TAFA1: variants seen among roughly 807,000 people sequenced by gnomAD.
TAFA1 encodes the protein TAFA chemokine like family member 1.
A neutral mutation model predicts 18.5 loss-of-function variants in TAFA1; 4 were observed. That is an observed-to-expected ratio of 0.22 (90% CI 0.11 to 0.49). TAFA1 has a LOEUF of 0.49. TAFA1 is among the 20% of genes least tolerant of loss of function. TAFA1 has a pLI of 0.98. For missense variants in TAFA1, 147 were observed against 169.0 expected (o/e 0.87, Z 0.72); for synonymous variants, 56 against 55.2 (o/e 1.01, Z -0.06).
intron 2 of TAFA1, among the ~76,000 whole-genome samples, chr3:68,270,954 C>T (rs1266185302): frequency 1.3e-5 from 2 of 152,012 alleles, no homozygotes; most frequent in Admixed American, 6.6e-5. Flanking sequence ...ATTGATTTTC[C>T]GTCCATGTTA....
chr3:68,006,835 T>C (rs1202440434), intron 2 of TAFA1, 91 bp downstream of exon 2: 2 of 942,502 alleles, frequency 2.1e-6, no homozygotes, highest in South Asian at 1.4e-5. Flanking sequence ...TAAAGTGCTA[T>C]AGTGTGGGCA....
chr3:68,445,233 C>G (rs956542041), intron 3 of TAFA1, among the ~76,000 whole-genome samples: 1 of 152,062 alleles, frequency 6.6e-6, no homozygotes, highest in African/African-American at 2.4e-5. Flanking sequence ...ATGTATAGTA[C>G]CTTTTCTATT....
chr3:68,338,644 C>T (rs945161777), intron 2 of TAFA1, among the ~76,000 whole-genome samples: 1 of 152,110 alleles, frequency 6.6e-6, no homozygotes, highest in African/African-American at 2.4e-5. Flanking sequence ...AATTATTGAG[C>T]CAGGATTCAA....
intron 3 of TAFA1, among the ~76,000 whole-genome samples, chr3:68,497,732 G>C (rs894363386): frequency 6.6e-6 from 1 of 152,132 alleles, no homozygotes; most frequent in African/African-American, 2.4e-5. Flanking sequence ...TATCCTATTT[G>C]GATATATAAT....
At chr3:68,431,953 G>C (rs138266977) in intron 3 of TAFA1, among the ~76,000 whole-genome samples, 1 of 151,890 alleles carries the variant, frequency 6.6e-6, no homozygotes, top group African/African-American at 2.4e-5. Flanking sequence ...ATGACTGGGG[G>C]CTACATACAT....
At chr3:68,392,717 T>C (rs2070289149) in intron 2 of TAFA1, among the ~76,000 whole-genome samples, 1 of 152,002 alleles carries the variant, frequency 6.6e-6, no homozygotes. Flanking sequence ...TCACAACCAC[T>C]CAACTACATG....
chr3:68,541,662 TA>T (rs1462258142), intron 4 of TAFA1, among the ~76,000 whole-genome samples: 5 of 152,094 alleles, frequency 3.3e-5, no homozygotes, highest in Non-Finnish European at 5.9e-5. Context: ...TCACTCAGGA[TA>T]AAAATAAAGT....
At chr3:68,257,198 T>C (rs753387623) in intron 2 of TAFA1, among the ~76,000 whole-genome samples, 5 of 152,076 alleles carry the variant, frequency 3.3e-5, no homozygotes, top group Non-Finnish European at 7.4e-5. Context: ...CTCCTGCTCA[T>C]CCCTTAGATC....
At chr3:68,133,497 GA>G (rs1484391423) in intron 2 of TAFA1, among the ~76,000 whole-genome samples, 1 of 152,132 alleles carries the variant, frequency 6.6e-6, no homozygotes, top group Non-Finnish European at 1.5e-5. Context: ...TCTGATCCAT[GA>G]ACATGGAATG....
At chr3:68,406,858 T>C (rs1441169372) in intron 2 of TAFA1, among the ~76,000 whole-genome samples, 1 of 152,190 alleles carries the variant, frequency 6.6e-6, no homozygotes, top group Non-Finnish European at 1.5e-5. Flanking sequence ...TCAAGTGTGT[T>C]CTTGTAACCT....
chr3:68,409,931 T>C (rs2070680208), intron 2 of TAFA1, among the ~76,000 whole-genome samples: 1 of 152,158 alleles, frequency 6.6e-6, no homozygotes, highest in South Asian at 2.1e-4. Flanking sequence ...TGACACATAA[T>C]TGTCACCAGT....
chr3:68,461,421 T>A (rs1358728334), intron 3 of TAFA1, among the ~76,000 whole-genome samples: 1 of 141,072 alleles, frequency 7.1e-6, no homozygotes, highest in Non-Finnish European at 1.5e-5. Flanking sequence ...GATTTTTAGC[T>A]AGTTGGACCT....
chr3:68,335,203 G>C (rs1429933581), intron 2 of TAFA1, among the ~76,000 whole-genome samples: 1 of 152,094 alleles, frequency 6.6e-6, no homozygotes, highest in African/African-American at 2.4e-5. Flanking sequence ...AATTCTTTTA[G>C]ACTGATAGAA....
intron 2 of TAFA1, among the ~76,000 whole-genome samples, chr3:68,397,481 G>C (rs748309036): frequency 6.6e-6 from 1 of 152,144 alleles, no homozygotes. Context: ...TCCCTGCAAA[G>C]GACATAAACT....
chr3:68,414,931 G>A (rs2106790237), intron 2 of TAFA1, among the ~76,000 whole-genome samples: 1 of 152,278 alleles, frequency 6.6e-6, no homozygotes, highest in African/African-American at 2.4e-5. Flanking sequence ...AAAATTAGTG[G>A]CATTTTTGTG....
intron 2 of TAFA1, among the ~76,000 whole-genome samples, chr3:68,197,494 T>A (rs1271745832): frequency 6.6e-6 from 1 of 151,560 alleles, no homozygotes; most frequent in African/African-American, 2.4e-5. Flanking sequence ...CCAGGCAACA[T>A]TCAGAATTCA....
chr3:68,299,195 C>T (rs1308653887), intron 2 of TAFA1, among the ~76,000 whole-genome samples: 2 of 152,134 alleles, frequency 1.3e-5, no homozygotes, highest in East Asian at 3.9e-4. Context: ...TTGGTCTCTC[C>T]CATTAGATTT....
At chr3:68,388,255 A>G (rs2070148079) in intron 2 of TAFA1, among the ~76,000 whole-genome samples, 1 of 152,160 alleles carries the variant, frequency 6.6e-6, no homozygotes, top group Non-Finnish European at 1.5e-5. Context: ...TGTGAACTAT[A>G]TGTTTATAAA....
intron 3 of TAFA1, among the ~76,000 whole-genome samples, chr3:68,536,421 G>T (rs1419111827): frequency 6.6e-6 from 1 of 152,150 alleles, no homozygotes; most frequent in Non-Finnish European, 1.5e-5. Flanking sequence ...AAAGATCATG[G>T]TGGAGAGCAT....
Sources: allele counts gnomAD v4.1 joint callset (sites outside exome capture counted in the v4.1 genomes callset), GRCh38; gene constraint gnomAD v4.1.1; transcripts MANE v1.5; gene names NCBI Gene and HGNC (gene_info 2026-07-23, HGNC 2026-07-21).